The following STXBP6 variants were observed in gnomAD, a reference collection of about 807,000 sequenced individuals.
The protein encoded by STXBP6 is syntaxin binding protein 6.
STXBP6 carries 21 observed loss-of-function variants against 26.9 expected under a neutral mutation model. The ratio of observed to expected loss-of-function variants is 0.78; its 90% CI spans 0.55 to 1.12. The LOEUF is 1.12. STXBP6 is among the 50% of genes most tolerant of loss of function. STXBP6 has a pLI of 0.00. For missense variants in STXBP6, 232 were observed against 257.9 expected, an observed-to-expected ratio of 0.90 and a Z score of 0.69; for synonymous variants, 97 against 92.6, an observed-to-expected ratio of 1.05 and a Z score of -0.27.
intron 4 of STXBP6, among the ~76,000 whole-genome samples, chr14:24,824,626 A>G (rs1045152855): frequency 1.3e-5 from 2 of 152,228 alleles, no homozygotes; most frequent in East Asian, 3.8e-4. Context: ...TCCTCTTTTA[A>G]GATGGAGATT....
intron 2 of STXBP6, among the ~76,000 whole-genome samples, chr14:24,862,438 C>T (rs1345080941): frequency 6.6e-6 from 1 of 152,178 alleles, no homozygotes; most frequent in Non-Finnish European, 1.5e-5. Context: ...ACAGTCCCTG[C>T]TCCATTAACC....
intron 1 of STXBP6, among the ~76,000 whole-genome samples, chr14:24,991,724 AAAAGG>A (rs1476446254): frequency 6.6e-6 from 1 of 152,226 alleles, no homozygotes; most frequent in Non-Finnish European, 1.5e-5. Flanking sequence ...CAAAAGAAAG[AAAAGG>A]AAAGAATGCC....
intron 5 of STXBP6, among the ~76,000 whole-genome samples, chr14:24,814,500 AGCTATTAATTTT>A (rs1285711664): frequency 6.6e-6 from 1 of 152,208 alleles, no homozygotes; most frequent in East Asian, 1.9e-4. Context: ...ATTTACCCAC[AGCTATTAATTTT>A]CAGCAGTGAT....
intron 2 of STXBP6, among the ~76,000 whole-genome samples, chr14:24,904,191 C>G (rs2071309678): frequency 6.6e-6 from 1 of 152,240 alleles, no homozygotes; most frequent in East Asian, 1.9e-4. Context: ...AGTTATCTTC[C>G]CCGAATCCCA....
intron 1 of STXBP6, among the ~76,000 whole-genome samples, chr14:24,996,395 T>C (rs1641096813): frequency 6.6e-6 from 1 of 152,144 alleles, no homozygotes; most frequent in Admixed American, 6.6e-5. Flanking sequence ...GGGCTTCCTA[T>C]ACCTGAACCT....
intron 4 of STXBP6, among the ~76,000 whole-genome samples, chr14:24,847,320 C>T (rs78768622): frequency 8.1e-4 from 123 of 152,174 alleles, no homozygotes; most frequent in Admixed American, 1.2e-3. Flanking sequence ...TTACTGCCTA[C>T]GTGAAATAAG....
At chr14:24,902,107 A>T (rs1242525645) in intron 2 of STXBP6, among the ~76,000 whole-genome samples, 1 of 152,196 alleles carries the variant, frequency 6.6e-6, no homozygotes, top group Non-Finnish European at 1.5e-5. Flanking sequence ...CAATTAAAAA[A>T]TTTTAAGAAA....
intron 2 of STXBP6, among the ~76,000 whole-genome samples, chr14:24,871,909 C>T (rs2069950182): frequency 1.3e-5 from 2 of 152,260 alleles, no homozygotes; most frequent in Middle Eastern, 3.4e-3. Context: ...TGCATCTGCT[C>T]GAGAGTCTTT....
intron 2 of STXBP6, among the ~76,000 whole-genome samples, chr14:24,971,666 T>C (rs1429256010): frequency 1.3e-5 from 2 of 152,222 alleles, no homozygotes; most frequent in African/African-American, 2.4e-5. Flanking sequence ...CTGCCTGGAA[T>C]GCCCTCTCAC....
intron 1 of STXBP6, among the ~76,000 whole-genome samples, chr14:24,989,502 TTTATAAA>T (rs2074413393): frequency 6.6e-6 from 1 of 152,186 alleles, no homozygotes; most frequent in Admixed American, 6.5e-5. Context: ...ATCTTAGAAT[TTTATAAA>T]GACTTTATAT....
intron 2 of STXBP6, among the ~76,000 whole-genome samples, chr14:24,899,653 T>C (rs1366226959): frequency 1.3e-5 from 2 of 151,994 alleles, no homozygotes; most frequent in African/African-American, 4.8e-5. Flanking sequence ...TGGTGGCACA[T>C]GCCTCTAATC....
intron 1 of STXBP6, among the ~76,000 whole-genome samples, chr14:25,013,309 A>C (rs987824663): frequency 6.6e-6 from 1 of 152,190 alleles, no homozygotes; most frequent in East Asian, 1.9e-4. Flanking sequence ...GTACCTCAGG[A>C]TAGCCAAACA....
intron 2 of STXBP6, among the ~76,000 whole-genome samples, chr14:24,900,930 A>T (rs1321245604): frequency 6.6e-6 from 1 of 152,226 alleles, no homozygotes; most frequent in Non-Finnish European, 1.5e-5. Context: ...AGATGAAGAC[A>T]GTAAAAACTG....
intron 1 of STXBP6, among the ~76,000 whole-genome samples, chr14:25,019,668 A>G (rs970930715): frequency 6.6e-5 from 10 of 152,030 alleles, no homozygotes; most frequent in Admixed American, 1.3e-4. Flanking sequence ...AAACCTGGAC[A>G]CTCTTGCCCC....
rs866673810 is a variant in STXBP6 at position 24,943,200 on chromosome 14, G to A, written c.154+31465C>T. ...TCACAACTACAGTGGCCAATGAAAC[G>A]CACTTGGAAGTCACTTGGGTTTCTG... On this transcript the variant is annotated intron_variant, in intron 2 of 5. Coordinates refer to ENST00000323944, the MANE Select transcript of STXBP6 (RefSeq NM_001394410.1). 3.2e-4 allele frequency among the ~76,000 whole-genome samples: 48 copies of A among 152,124 alleles called. 1 individual carries two copies. The highest frequency in any genetic ancestry group is 1.2e-3 in the African/African-American group (48 of 41,426).
chr14:24,949,389 A>G (rs759026087), intron 2 of STXBP6, among the ~76,000 whole-genome samples: 2 of 152,170 alleles, frequency 1.3e-5, no homozygotes, highest in African/African-American at 4.8e-5. Context: ...ACAGACAACT[A>G]AAGAGATGGA....
At chr14:24,971,575 T>C (rs541283477) in intron 2 of STXBP6, among the ~76,000 whole-genome samples, 4 of 122,536 alleles carry the variant, frequency 3.3e-5, no homozygotes, top group South Asian at 4.9e-4. Flanking sequence ...AGAGCTGAGC[T>C]ACAAAGAGGT....
chr14:24,960,928 A>G (rs10138510), intron 2 of STXBP6, among the ~76,000 whole-genome samples: 26,178 of 152,184 alleles, frequency 0.17, 2,384 homozygotes, highest in African/African-American at 0.22. Context: ...AACTGGAAAG[A>G]TCTGAACATG....
In STXBP6 at chr14:24,940,681, C is replaced by G. The variant is rs530919486; in HGVS notation, c.154+33984G>C. ...TCCCTGACTCCACGGCAACTTCCCC[C>G]ACTCTACTCTACCTCAGCCCAACCC... On this transcript the variant is annotated intron_variant, in intron 2 of 5. Transcript: ENST00000323944. Among the ~76,000 whole-genome samples, 63 of 152,268 alleles carry G rather than the reference C, an allele frequency of 4.1e-4. 1 individual carries two copies. The highest frequency in any genetic ancestry group is 1.5e-3 in the African/African-American group (61 of 41,568).
Sources: allele counts gnomAD v4.1 joint callset (sites outside exome capture counted in the v4.1 genomes callset), GRCh38; gene constraint gnomAD v4.1.1; transcripts MANE v1.5; gene names NCBI Gene and HGNC (gene_info 2026-07-23, HGNC 2026-07-21).